The following THSD4 variants were observed in gnomAD, a reference collection of about 807,000 sequenced individuals.
The protein encoded by THSD4 is thrombospondin type-1 domain-containing protein 4.
A neutral mutation model predicts 119.0 loss-of-function variants in THSD4; 69 were observed. The observed-to-expected ratio is 0.58, with a 90% CI of 0.48 to 0.71. The LOEUF (loss-of-function observed/expected upper bound fraction) is 0.71. Among genes scored for constraint, THSD4 ranks in the 30% least tolerant of loss-of-function variants. THSD4 has a pLI of 0.00. For synonymous variants in THSD4, 524 were observed against 540.4 expected, an observed-to-expected ratio of 0.97 and a Z score of 0.42; for missense variants, 1,393 against 1,391.1, an observed-to-expected ratio of 1.00 and a Z score of -0.02.
intron 7 of THSD4, among the ~76,000 whole-genome samples, chr15:71,485,363 A>G (rs755073131): frequency 6.6e-6 from 1 of 152,236 alleles, no homozygotes; most frequent in Admixed American, 6.5e-5. Context: ...AGGTTGAACT[A>G]GAAACCCCCT....
chr15:71,522,953 G>A (rs1406056538), intron 7 of THSD4, among the ~76,000 whole-genome samples: 1 of 152,176 alleles, frequency 6.6e-6, no homozygotes, highest in Non-Finnish European at 1.5e-5. Context: ...CTGTCTGGAT[G>A]CCTCCCTTGC....
At chr15:71,542,320 C>A (rs573301395) in intron 7 of THSD4, among the ~76,000 whole-genome samples, 4 of 152,106 alleles carry the variant, frequency 2.6e-5, no homozygotes, top group African/African-American at 9.7e-5. Flanking sequence ...TGATACTCCC[C>A]CTCCAGGAAG....
chr15:71,098,231 C>T (rs542806706), intron 1 of THSD4, among the ~76,000 whole-genome samples: 8 of 143,550 alleles, frequency 5.6e-5, no homozygotes, highest in Admixed American at 1.4e-4. Flanking sequence ...GAGAAGGTCC[C>T]GCTCTGTCAC....
chr15:71,636,590 A>G (rs533865274), intron 7 of THSD4, among the ~76,000 whole-genome samples: 5 of 152,198 alleles, frequency 3.3e-5, no homozygotes, highest in African/African-American at 1.2e-4. Context: ...TTCTCCTGTC[A>G]CTGGACTGAA....
chr15:71,604,214 C>T (rs1027158572), intron 7 of THSD4, among the ~76,000 whole-genome samples: 1 of 152,148 alleles, frequency 6.6e-6, no homozygotes, highest in African/African-American at 2.4e-5. Flanking sequence ...TCTGCCCAGA[C>T]CCTCAGCCCA....
chr15:71,362,046 G>A (rs932003873), intron 6 of THSD4, among the ~76,000 whole-genome samples: 1 of 152,252 alleles, frequency 6.6e-6, no homozygotes. Context: ...GGAGGCCAAG[G>A]CAGGTAGATC....
chr15:71,560,563 A>G (rs762294029), intron 7 of THSD4, among the ~76,000 whole-genome samples: 2 of 152,234 alleles, frequency 1.3e-5, no homozygotes, highest in Non-Finnish European at 2.9e-5. Flanking sequence ...GTAGGCAGAT[A>G]TTAGAGGAAT....
chr15:71,551,192 G>A (rs945324421), intron 7 of THSD4, among the ~76,000 whole-genome samples: 2 of 152,198 alleles, frequency 1.3e-5, no homozygotes, highest in African/African-American at 4.8e-5. Flanking sequence ...CAAATTGAAT[G>A]TGCATAAAAT....
At chr15:71,494,928 G>A (rs1298948575) in intron 7 of THSD4, among the ~76,000 whole-genome samples, 2 of 152,166 alleles carry the variant, frequency 1.3e-5, no homozygotes, top group East Asian at 3.8e-4. Context: ...AGTGATTTAG[G>A]TGCTCTGATG....
chr15:71,516,524 A>T (rs2048364100), intron 7 of THSD4, among the ~76,000 whole-genome samples: 1 of 152,226 alleles, frequency 6.6e-6, no homozygotes, highest in Admixed American at 6.5e-5. Context: ...GTCATTTGCC[A>T]ATCTTCAGTA....
chr15:71,735,590 C>CTCTCTCTTGCTCTCTG (rs1411701441), intron 10 of THSD4, among the ~76,000 whole-genome samples: 1 of 151,906 alleles, frequency 6.6e-6, no homozygotes, highest in Non-Finnish European at 1.5e-5. Context: ...GTTTCTCTCT[C>CTCTCTCTTGCTCTCTG]TCTCTCTTGC....
intron 8 of THSD4, among the ~76,000 whole-genome samples, chr15:71,727,019 T>A (rs1404767532): frequency 2.0e-5 from 3 of 151,826 alleles, no homozygotes; most frequent in Admixed American, 6.6e-5. Flanking sequence ...GCTGAAGAAA[T>A]TCTATTTCCA....
At chr15:71,340,935 C>T (rs543404608) in intron 6 of THSD4, among the ~76,000 whole-genome samples, 1 of 152,158 alleles carries the variant, frequency 6.6e-6, no homozygotes, top group South Asian at 2.1e-4. Context: ...CCTGGGAGTT[C>T]ACTTATGAAA....
chr15:71,299,966 A>AG (rs2044921805), intron 6 of THSD4, among the ~76,000 whole-genome samples: 1 of 22,268 alleles, frequency 4.5e-5, no homozygotes, highest in Middle Eastern at 0.025. Flanking sequence ...CTACCAAAAA[A>AG]AAAAAAAAAA....
intron 2 of THSD4, among the ~76,000 whole-genome samples, chr15:71,150,668 A>G (rs1418431676): frequency 1.3e-5 from 2 of 152,254 alleles, no homozygotes; most frequent in African/African-American, 4.8e-5. Flanking sequence ...AACAAGAGGC[A>G]CCAGCAAACA....
intron 6 of THSD4, among the ~76,000 whole-genome samples, chr15:71,338,777 G>A (rs1463287095): frequency 1.3e-5 from 2 of 152,098 alleles, no homozygotes; most frequent in Admixed American, 6.5e-5. Context: ...GGGGGAAATG[G>A]GACAAGGGAG....
chr15:71,456,456 C>T (rs528008342), intron 7 of THSD4, among the ~76,000 whole-genome samples: 1 of 152,314 alleles, frequency 6.6e-6, no homozygotes. Flanking sequence ...AGGCACTGTG[C>T]TAAGCATATT....
At chr15:71,204,313 G>A (rs973972438) in intron 3 of THSD4, among the ~76,000 whole-genome samples, 6 of 152,156 alleles carry the variant, frequency 3.9e-5, no homozygotes, top group Admixed American at 6.5e-5. Flanking sequence ...TCATTGCATC[G>A]TAGTTTTGGC....
intron 6 of THSD4, among the ~76,000 whole-genome samples, chr15:71,403,882 C>T (rs778460655): frequency 6.6e-5 from 10 of 152,138 alleles, no homozygotes; most frequent in Non-Finnish European, 1.3e-4. Flanking sequence ...ATCTCTCACT[C>T]AGAAATCTTC....
Sources: allele counts gnomAD v4.1 joint callset (sites outside exome capture counted in the v4.1 genomes callset), GRCh38; gene constraint gnomAD v4.1.1; transcripts MANE v1.5; gene names NCBI Gene and HGNC (gene_info 2026-07-23, HGNC 2026-07-21).